ST6GALNAC2: variants seen among roughly 807,000 people sequenced by gnomAD.
The protein encoded by ST6GALNAC2 is ST6 N-acetylgalactosaminide alpha-2,6-sialyltransferase 2.
ST6GALNAC2 carries 42 observed loss-of-function variants against 38.7 expected under a neutral mutation model. The ratio of observed to expected loss-of-function variants is 1.09; its 90% CI spans 0.85 to 1.40. The LOEUF (loss-of-function observed/expected upper bound fraction) is 1.40. Among genes scored for constraint, ST6GALNAC2 ranks in the 40% most tolerant of loss-of-function variants. ST6GALNAC2 has a pLI of 0.00. For missense variants in ST6GALNAC2, 506 were observed against 481.7 expected (o/e 1.05, Z -0.47); for synonymous variants, 233 against 209.0 (o/e 1.11, Z -0.99).
chr17:76,584,839 T>G (rs1329817328), intron 1 of ST6GALNAC2, among the ~76,000 whole-genome samples: 1 of 152,242 alleles, frequency 6.6e-6, no homozygotes, highest in Non-Finnish European at 1.5e-5. Flanking sequence ...AGGCTGGGGC[T>G]GGAGGCCTCT....
chr17:76,566,146 C>T lies in ST6GALNAC2; in HGVS notation c.1083G>A (p.Arg361=), dbSNP rs2075278300. 1.2e-6 allele frequency: 2 copies of T among 1,613,994 alleles called. No individual in the cohort carries two copies. The highest frequency in any genetic ancestry group is 1.3e-5 in the African/African-American group (1 of 74,910). ...GAAGGATGCCGGCCTTGTGCAGGTC[C>T]CTCCACAGGGCAGCTTCCAGGGACA... is the stretch of plus-strand genomic sequence containing the variant. The part of the protein sequence containing the change: ...HDLSLEAALW[R]DLHKAGILQL... Residue 361 remains arginine, a synonymous_variant, in exon 9 of 9, where the codon AGG becomes AGA. Coordinates refer to ENST00000225276, the MANE Select transcript of ST6GALNAC2 (RefSeq NM_006456.3).
At chr17:76,574,227 G>A in intron 3 of ST6GALNAC2, 138 bp downstream of exon 3, 1 of 1,021,902 alleles carries the variant, frequency 9.8e-7, no homozygotes, top group Non-Finnish European at 1.4e-6. Context: ...TGCATAGCTG[G>A]GGCTTCTGGG....
In ST6GALNAC2 at chr17:76,566,097, A is replaced by C. The variant is rs749921038; in HGVS notation, c.*7T>G. On this transcript the variant is annotated 3_prime_UTR_variant, in exon 9 of 9. Transcript: ENST00000225276. ...CTTGAAGAAGCAAAGGGCTCAGTGC[A>C]TTGGGGTCAGCGCTGGTACAGCTGA... The C allele has an allele frequency of 6.2e-7, 1 of 1,612,856 alleles. No individual in the cohort carries two copies. The highest frequency in any genetic ancestry group is 8.5e-7 in the Non-Finnish European group (1 of 1,179,452).
At chr17:76,578,902 T>G in intron 1 of ST6GALNAC2, 86 bp from the exon 2 acceptor site, 1 of 1,185,848 alleles carries the variant, frequency 8.4e-7, no homozygotes, top group Non-Finnish European at 1.2e-6. Flanking sequence ...CCCTTAGCTC[T>G]AGGGGCGGAC....
intron 1 of ST6GALNAC2, among the ~76,000 whole-genome samples, chr17:76,579,356 A>G (rs1331192730): frequency 6.6e-6 from 1 of 152,262 alleles, no homozygotes; most frequent in African/African-American, 2.4e-5. Context: ...TTATAGGAAC[A>G]GTGAGATGGT....
chr17:76,576,159 G>C (rs1173114671), intron 2 of ST6GALNAC2, among the ~76,000 whole-genome samples: 6 of 152,138 alleles, frequency 3.9e-5, no homozygotes, highest in Non-Finnish European at 8.8e-5. Context: ...GAGGTGGGAG[G>C]ATTGCTTGAA....
chr17:76,567,780 C>T (rs769150164), intron 7 of ST6GALNAC2: 13 of 468,812 alleles, frequency 2.8e-5, no homozygotes, highest in Non-Finnish European at 4.7e-5. Context: ...TTGGCAACAG[C>T]TTGTTTTCAC....
chr17:76,574,237 G>A, intron 3 of ST6GALNAC2, 128 bp downstream of exon 3: 2 of 1,117,748 alleles, frequency 1.8e-6, no homozygotes, highest in Non-Finnish European at 2.5e-6. Context: ...GGGCTTCTGG[G>A]AGGAGAGAGG....
chr17:76,578,126 G>A (rs1212638309), intron 2 of ST6GALNAC2, among the ~76,000 whole-genome samples: 1 of 152,158 alleles, frequency 6.6e-6, no homozygotes, highest in Non-Finnish European at 1.5e-5. Context: ...TGAGGTTGGG[G>A]AGGTTGTATC....
Position 76,573,137 on chromosome 17 carries a change from A to G in ST6GALNAC2, c.530+58T>C. 1 of 1,510,570 alleles carries G rather than the reference A, an allele frequency of 6.6e-7. No homozygotes were observed. The highest frequency in any genetic ancestry group is 9.0e-7 in the Non-Finnish European group (1 of 1,115,680). 93.6% of individuals were successfully genotyped at this position (1,510,570 alleles called of 1,614,324 possible). ...ATAGCCCACTGCCCCTGGGGGAGAC[A>G]CCCCCACCCTCCAGGCAACTCTCCC... On this transcript the variant is annotated intron_variant, in intron 4 of 8. Transcript: ENST00000225276. This position sits in a 1 kb window ranked among gnomAD's most constrained non-coding sequence, Gnocchi z 5.1.
At position 76,567,890 on chromosome 17, in the gene ST6GALNAC2, A is replaced by C. The variant is rs565512271; in HGVS notation, c.858-338T>G. The C allele has an allele frequency of 1.0e-5, 3 of 290,554 alleles. No homozygotes were observed. The East Asian group carries it at 2.7e-4, about 26-fold the overall frequency. The allele number at this position is 290,554 out of a possible 1,614,324, so 18.0% of individuals were successfully genotyped here. On this transcript the variant is annotated intron_variant, in intron 7 of 8. Coordinates refer to ENST00000225276, the MANE Select transcript of ST6GALNAC2 (RefSeq NM_006456.3). ...CTACTCCACATCTTGATTAAGTAGG[A>C]ATCACGTGTGAGGGACAGGGAGCTC...
At chr17:76,581,715 G>A (rs2075477917) in intron 1 of ST6GALNAC2, among the ~76,000 whole-genome samples, 1 of 152,148 alleles carries the variant, frequency 6.6e-6, no homozygotes, top group South Asian at 2.1e-4. Flanking sequence ...GAATCCAAGT[G>A]CCTGGGACAC....
chr17:76,571,681 A>G (rs1302837452), intron 5 of ST6GALNAC2, among the ~76,000 whole-genome samples: 2 of 152,240 alleles, frequency 1.3e-5, no homozygotes, highest in African/African-American at 4.8e-5. Flanking sequence ...TGGCATAGAC[A>G]CTATGGTAGG....
At position 76,565,876 on chromosome 17, in the gene ST6GALNAC2, T is replaced by G. The variant is rs560374322; in HGVS notation, c.*228A>C. 78 of 473,834 alleles carry G rather than the reference T, an allele frequency of 1.6e-4. No individual in the cohort carries two copies. The East Asian group carries it at 2.7e-3, about 16-fold the overall frequency. 29.4% of individuals were successfully genotyped at this position (473,834 alleles called of 1,614,324 possible). A position where few individuals can be genotyped will look rare whatever the true frequency, so the allele number is the denominator to read the frequency against. ...ATCCAGCAAAGCAGTCCATTTTCCC[T>G]TGGCCAAGATTGAGATGTATTGTTT... is the stretch of plus-strand genomic sequence containing the variant. On this transcript the variant is annotated 3_prime_UTR_variant, in exon 9 of 9. Coordinates refer to ENST00000225276, the MANE Select transcript of ST6GALNAC2 (RefSeq NM_006456.3).
intron 1 of ST6GALNAC2, among the ~76,000 whole-genome samples, chr17:76,585,421 C>A (rs976287546): frequency 2.9e-4 from 44 of 152,220 alleles, no homozygotes; most frequent in Non-Finnish European, 5.9e-5. Context: ...CAAGGGGCAC[C>A]GGGGCGGGTC....
intron 6 of ST6GALNAC2, chr17:76,570,322 C>G: frequency 2.0e-6 from 1 of 509,228 alleles, no homozygotes; most frequent in Non-Finnish European, 3.6e-6. Flanking sequence ...CCCCAGCCCA[C>G]TGCCCCCAGA....
At chr17:76,568,537 G>A (rs2075312230) in intron 7 of ST6GALNAC2, 176 bp downstream of exon 7, 2 of 628,666 alleles carry the variant, frequency 3.2e-6, no homozygotes, top group African/African-American at 1.8e-5. Flanking sequence ...CCTCTATCAA[G>A]GTGCTAAATA....
At position 76,573,497 on chromosome 17, in the gene ST6GALNAC2, G is replaced by A; in HGVS notation, c.362-134C>T. The A allele has an allele frequency of 7.2e-6, 6 of 829,590 alleles. No homozygotes were observed. The highest frequency in any genetic ancestry group is 8.7e-6 in the Non-Finnish European group (5 of 573,866). 51.4% of individuals were successfully genotyped at this position (829,590 alleles called of 1,614,324 possible). On this transcript the variant is annotated intron_variant, in intron 3 of 8. Transcript: ENST00000225276. The surrounding 1 kb of genome is among the most constrained non-coding windows in gnomAD (Gnocchi z 5.1). ...CCCCTCCCAAGAAGCACAGAGGGTG[G>A]GAGGGGAAGGAGATGTCTGTGGGGG...
intron 8 of ST6GALNAC2, among the ~76,000 whole-genome samples, chr17:76,567,000 G>T (rs370362809): frequency 7.9e-5 from 12 of 152,144 alleles, no homozygotes; most frequent in Non-Finnish European, 1.5e-4. Context: ...GACTCTTAAC[G>T]GTGATTTCAA....
Sources: allele counts gnomAD v4.1 joint callset (sites outside exome capture counted in the v4.1 genomes callset), GRCh38; gene constraint gnomAD v4.1.1; non-coding constraint Gnocchi (gnomAD v3.1); transcripts MANE v1.5; gene names NCBI Gene and HGNC (gene_info 2026-07-23, HGNC 2026-07-21).